The following CACNA1C variants were observed in gnomAD, a reference collection of about 807,000 sequenced individuals.
CACNA1C encodes the protein calcium voltage-gated channel subunit alpha1 C.
CACNA1C carries 30 observed loss-of-function variants against 229.0 expected under a neutral mutation model. The ratio of observed to expected loss-of-function variants is 0.13; its 90% CI spans 0.10 to 0.18. The LOEUF is 0.18. CACNA1C is among the 10% of genes least tolerant of loss of function. The pLI, the probability that CACNA1C is intolerant of heterozygous loss-of-function variation, is 1.00. For synonymous variants in CACNA1C, 1,114 were observed against 1,132.5 expected, an observed-to-expected ratio of 0.98 and a Z score of 0.33; for missense variants, 1,658 against 2,845.0, an observed-to-expected ratio of 0.58 and a Z score of 9.49.
intron 3 of CACNA1C, among the ~76,000 whole-genome samples, chr12:2,230,857 G>A (rs2064887241): frequency 6.6e-6 from 1 of 152,208 alleles, no homozygotes; most frequent in Non-Finnish European, 1.5e-5. Context: ...ATCTGGTGAG[G>A]TGGGTCGTAT....
intron 3 of CACNA1C, among the ~76,000 whole-genome samples, chr12:2,448,113 A>G (rs2099317493): frequency 6.6e-6 from 1 of 152,226 alleles, no homozygotes; most frequent in Admixed American, 6.5e-5. Flanking sequence ...TGCATGAATC[A>G]GCACAGAGTC....
chr12:2,458,325 G>A (rs1166286844), intron 5 of CACNA1C, among the ~76,000 whole-genome samples: 1 of 152,120 alleles, frequency 6.6e-6, no homozygotes, highest in Non-Finnish European at 1.5e-5. Context: ...TTGCCTATCC[G>A]GATGTCAGTC....
chr12:2,053,035 T>TCGGCG lies in CACNA1C; in HGVS notation c.-517_-513dup, dbSNP rs921063457. 369 of 983,718 alleles carry TCGGCG rather than the reference T, an allele frequency of 3.8e-4. No individual in the cohort carries two copies. Among genetic ancestry groups the TCGGCG allele is most frequent in the Middle Eastern group, 1.0e-3 (2 of 1,928 alleles). 60.9% of individuals were successfully genotyped at this position (983,718 alleles called of 1,614,324 possible). On this transcript the variant is annotated 5_prime_UTR_variant, in exon 1 of 47. Coordinates refer to ENST00000399655, the MANE Select transcript of CACNA1C (RefSeq NM_000719.7). The surrounding 1 kb of genome is among the most constrained non-coding windows in gnomAD (Gnocchi z 5.8). ...GAAACAGCTCCTGCCAGAGCGGCGC[T>TCGGCG]CGGCGCGGCGCGGCGGGCCCGGAGC...
intron 3 of CACNA1C, among the ~76,000 whole-genome samples, chr12:2,327,195 A>C (rs2154506668): frequency 6.6e-6 from 1 of 152,352 alleles, no homozygotes. Context: ...AACAAAAAAA[A>C]AGGAAGCCCA....
chr12:2,516,503 G>T (rs1275401344), intron 9 of CACNA1C, among the ~76,000 whole-genome samples: 1 of 152,176 alleles, frequency 6.6e-6, no homozygotes. Flanking sequence ...AGAGGCAGGG[G>T]TCCCGTCAGG....
chr12:2,254,329 G>A (rs533158084), intron 3 of CACNA1C, among the ~76,000 whole-genome samples: 1 of 152,288 alleles, frequency 6.6e-6, no homozygotes, highest in East Asian at 1.9e-4. Flanking sequence ...GATGTAGGCT[G>A]AGTCTTATCT....
chr12:2,680,137 G>A (rs1348183298), intron 42 of CACNA1C, among the ~76,000 whole-genome samples: 1 of 152,186 alleles, frequency 6.6e-6, no homozygotes, highest in Non-Finnish European at 1.5e-5. Context: ...CCTTCCCCGA[G>A]TCTCTGCCCA....
chr12:2,538,145 G>A (rs962364158), intron 9 of CACNA1C, among the ~76,000 whole-genome samples: 1 of 152,192 alleles, frequency 6.6e-6, no homozygotes, highest in Admixed American at 6.5e-5. Flanking sequence ...CAGATCAAGG[G>A]CAGGCATTTA....
chr12:2,400,055 G>T (rs1353749910), intron 3 of CACNA1C, among the ~76,000 whole-genome samples: 1 of 152,218 alleles, frequency 6.6e-6, no homozygotes, highest in African/African-American at 2.4e-5. Context: ...AGCAAGGGGG[G>T]TGTATTCCTA....
chr12:2,281,885 A>C, intron 3 of CACNA1C, among the ~76,000 whole-genome samples: 1 of 151,720 alleles, frequency 6.6e-6, no homozygotes, highest in South Asian at 2.1e-4. Flanking sequence ...TTCTCCCCCC[A>C]TTCCTGTGAG....
intron 9 of CACNA1C, among the ~76,000 whole-genome samples, chr12:2,526,675 A>T (rs879407701): frequency 6.6e-6 from 1 of 152,262 alleles, no homozygotes; most frequent in East Asian, 1.9e-4. Flanking sequence ...ACGTGTTTGC[A>T]CAAGAGTCTC....
intron 1 of CACNA1C, among the ~76,000 whole-genome samples, chr12:2,026,639 C>T (rs1205739584): frequency 2.6e-5 from 4 of 152,140 alleles, no homozygotes; most frequent in Admixed American, 2.0e-4. Flanking sequence ...TTTTTTTATT[C>T]AATAAATATT....
At chr12:2,202,165 G>A (rs1158743270) in intron 3 of CACNA1C, among the ~76,000 whole-genome samples, 1 of 152,210 alleles carries the variant, frequency 6.6e-6, no homozygotes, top group Non-Finnish European at 1.5e-5. Flanking sequence ...AAATTGGATT[G>A]ACTTAGAGGA....
chr12:2,550,662 A>G (rs775778993), intron 10 of CACNA1C: 5 of 1,347,558 alleles, frequency 3.7e-6, no homozygotes, highest in Admixed American at 1.9e-5. Context: ...GACCAGTCCC[A>G]GGTACAATGC....
chr12:2,233,443 C>A (rs2066094031), intron 3 of CACNA1C, among the ~76,000 whole-genome samples: 1 of 152,160 alleles, frequency 6.6e-6, no homozygotes. Flanking sequence ...ACTATAGTTT[C>A]TTTGATGGCG....
At chr12:2,480,737 T>C (rs888983642) in intron 5 of CACNA1C, among the ~76,000 whole-genome samples, 1 of 152,242 alleles carries the variant, frequency 6.6e-6, no homozygotes, top group Admixed American at 6.5e-5. Context: ...AGCACTGTCT[T>C]CTGATGAATT....
At chr12:2,464,571 A>G (rs1248657736) in intron 5 of CACNA1C, among the ~76,000 whole-genome samples, 1 of 152,118 alleles carries the variant, frequency 6.6e-6, no homozygotes, top group Non-Finnish European at 1.5e-5. Flanking sequence ...CTTCCCTTTA[A>G]TCCTGGTTAA....
At chr12:2,669,136 C>A in intron 38 of CACNA1C, 101 bp downstream of exon 38, 1 of 837,828 alleles carries the variant, frequency 1.2e-6, no homozygotes, top group Non-Finnish European at 2.1e-6. Flanking sequence ...AACTTCCTGC[C>A]CCAGACAGCA....
chr12:2,537,085 C>A (rs2154587039), intron 9 of CACNA1C, among the ~76,000 whole-genome samples: 1 of 152,316 alleles, frequency 6.6e-6, no homozygotes, highest in South Asian at 2.1e-4. Flanking sequence ...AGGCCCTGGG[C>A]AGGGTCATAA....
Sources: allele counts gnomAD v4.1 joint callset (sites outside exome capture counted in the v4.1 genomes callset), GRCh38; gene constraint gnomAD v4.1.1; non-coding constraint Gnocchi (gnomAD v3.1); transcripts MANE v1.5; gene names NCBI Gene and HGNC (gene_info 2026-07-23, HGNC 2026-07-21).